Variants in ARHGEF37 observed in about 807,000 individuals in gnomAD.
The protein encoded by ARHGEF37 is Rho guanine nucleotide exchange factor (GEF) 37.
A neutral mutation model predicts 71.1 loss-of-function variants in ARHGEF37; 55 were observed. That is an observed-to-expected ratio of 0.77 (90% confidence interval 0.62 to 0.97). ARHGEF37 has a LOEUF of 0.97. Ranked by LOEUF, ARHGEF37 falls within the 50% of genes least tolerant of loss-of-function variation. The pLI, the probability that ARHGEF37 is intolerant of heterozygous loss-of-function variation, is 0.00. For missense variants in ARHGEF37, 765 were observed against 836.8 expected, an observed-to-expected ratio of 0.91 and a Z score of 1.06; for synonymous variants, 327 against 350.6, an observed-to-expected ratio of 0.93 and a Z score of 0.75.
rs751157931 is a variant in ARHGEF37 at position 149,627,092 on chromosome 5, C to G, written c.1481C>G (p.Ser494Cys). Residue 494 changes from serine (S) to cysteine (C), a missense_variant, in exon 11 of 13, where the codon TCT (serine) becomes TGT (cysteine). Transcript: ENST00000333677. The stretch of plus-strand genomic sequence containing the variant: ...CTCTCCCAGCCGCTCCTTCCAGGGT[C>G]TGAACGCCAGGTGCAGGCTCTCCTG... ...PPTTQPLLPG[S>C]ERQVQALLSR... 6.2e-7 allele frequency: 1 copy of G among 1,613,506 alleles called. No individual in the cohort carries two copies. The highest frequency in any genetic ancestry group is 8.5e-7 in the Non-Finnish European group (1 of 1,179,644).
chr5:149,599,726 C>A (rs758151918), intron 2 of ARHGEF37, among the ~76,000 whole-genome samples: 1 of 152,064 alleles, frequency 6.6e-6, no homozygotes, highest in Admixed American at 6.5e-5. Context: ...TTGCTTGCTA[C>A]GTTTCAAGCA....
At chr5:149,624,334 T>G (rs1752621787) in intron 10 of ARHGEF37, among the ~76,000 whole-genome samples, 194 bp downstream of exon 10, 1 of 152,188 alleles carries the variant, frequency 6.6e-6, no homozygotes, top group Non-Finnish European at 1.5e-5. Context: ...ACACACTCTT[T>G]ACATCCAAGA....
intron 2 of ARHGEF37, 60 bp from the exon 3 acceptor site, chr5:149,601,048 C>G (rs142802785): frequency 6.4e-7 from 1 of 1,571,638 alleles, no homozygotes; most frequent in East Asian, 2.3e-5. Context: ...CTCTCAAAAG[C>G]CTGCAAATAC....
intron 1 of ARHGEF37, among the ~76,000 whole-genome samples, chr5:149,595,564 G>A (rs1763521203): frequency 6.6e-6 from 1 of 152,064 alleles, no homozygotes. Flanking sequence ...GTTTTGGCCT[G>A]TATCTGACTG....
At chr5:149,565,583 C>T (rs891545248) in intron 1 of ARHGEF37, among the ~76,000 whole-genome samples, 4 of 152,142 alleles carry the variant, frequency 2.6e-5, no homozygotes, top group Non-Finnish European at 5.9e-5. Context: ...GCAATGATAG[C>T]CATGAGGCAT....
chr5:149,579,725 G>A (rs992162028), upstream of ARHGEF37, among the ~76,000 whole-genome samples: 2 of 151,818 alleles, frequency 1.3e-5, no homozygotes, highest in Non-Finnish European at 2.9e-5. Flanking sequence ...GGGATTACAG[G>A]TGCCCACCAC....
chr5:149,620,828 T>TAAAAAAAAAA (rs1561806921), intron 8 of ARHGEF37, among the ~76,000 whole-genome samples: 1 of 69,620 alleles, frequency 1.4e-5, no homozygotes. Context: ...AGACTCCTTC[T>TAAAAAAAAAA]CAAAAAAAGA....
chr5:149,587,876 G>T (rs1175471830), intron 1 of ARHGEF37, among the ~76,000 whole-genome samples: 1 of 148,768 alleles, frequency 6.7e-6, no homozygotes, highest in Non-Finnish European at 1.5e-5. Context: ...GTTTCTGTAG[G>T]TCTTCCCTCC....
At chr5:149,562,484 T>A (rs773781253) in intron 1 of ARHGEF37, among the ~76,000 whole-genome samples, 4 of 152,202 alleles carry the variant, frequency 2.6e-5, no homozygotes, top group Non-Finnish European at 4.4e-5. Flanking sequence ...AGTCTCGCTC[T>A]GTCGCCCAGG....
Position 149,620,377 on chromosome 5 carries a change from C to A in ARHGEF37, c.918C>A (p.His306Gln). 6.2e-7 allele frequency: 1 copy of A among 1,611,868 alleles called. No individual in the cohort carries two copies. Among genetic ancestry groups the A allele is most frequent in the Non-Finnish European group, 8.5e-7 (1 of 1,179,044 alleles). ...AGGCTTTCCTCTACTTCAGGCCGCA[C>A]GAATACAATCTGGACATCCCCGAGG... Reference protein sequence around the residue: ...NLQAFLYFRPHEYNLDIPEGP... With the variant: ...NLQAFLYFRPQEYNLDIPEGP... Residue 306 changes from histidine (H) to glutamine (Q), a missense_variant, in exon 8 of 13, where the codon CAC becomes CAA. Around this residue, in one of 5 missense-constraint regions of ARHGEF37, gnomAD observed 167 missense variants for 173.3 expected, o/e 0.96. Coordinates refer to ENST00000333677, the MANE Select transcript of ARHGEF37 (RefSeq NM_001001669.3).
intron 2 of ARHGEF37, among the ~76,000 whole-genome samples, chr5:149,600,578 C>T (rs748788021): frequency 1.1e-4 from 16 of 152,158 alleles, no homozygotes; most frequent in Non-Finnish European, 2.4e-4. Flanking sequence ...AACCCCGGTT[C>T]AGCTTTTCTT....
At chr5:149,551,672 G>C (rs964560274), upstream of ARHGEF37, 5 of 152,266 alleles carry the variant, frequency 3.3e-5, no homozygotes, top group Admixed American at 3.3e-4. Flanking sequence ...TACTCGCCTC[G>C]GACCCGCCGG....
In ARHGEF37 at chr5:149,626,979, C is replaced by T. The variant is rs1228963954; in HGVS notation, c.1465-97C>T. 4 of 1,329,918 alleles carry T rather than the reference C, an allele frequency of 3.0e-6. No homozygotes were observed. The African/African-American group carries it at 4.4e-5, about 15-fold the overall frequency. The allele number at this position is 1,329,918 out of a possible 1,614,324, so 82.4% of individuals were successfully genotyped here. On this transcript the variant is annotated intron_variant, in intron 10 of 12. Transcript: ENST00000333677. ...TTCAGTGGCAGAGTTAGGATCAGGC[C>T]CAGTACTCCTGGCTGTCAAAATGTG...
chr5:149,571,226 G>A (rs1762959119), intron 1 of ARHGEF37, among the ~76,000 whole-genome samples: 1 of 152,044 alleles, frequency 6.6e-6, no homozygotes, highest in Non-Finnish European at 1.5e-5. Context: ...ACAGGCATGA[G>A]CCACCGCGTC....
intron 8 of ARHGEF37, among the ~76,000 whole-genome samples, chr5:149,620,829 C>CAAAAAAAAAAAAAAA (rs66996935): frequency 6.9e-6 from 1 of 144,822 alleles, no homozygotes. Context: ...GACTCCTTCT[C>CAAAAAAAAAAAAAAA]AAAAAAAGAA....
Position 149,624,069 on chromosome 5 carries a change from G to A in ARHGEF37, c.1393G>A (p.Gly465Ser). Residue 465 changes from glycine (G) to serine (S), a missense_variant, in exon 10 of 13, where the codon GGC becomes AGC. Physicochemically the swap from Gly to Ser is moderately conservative, Grantham distance 56 (BLOSUM62 0). Coordinates refer to ENST00000333677, the MANE Select transcript of ARHGEF37 (RefSeq NM_001001669.3). Reference sequence around the variant, plus strand: ...CAGGAAGCTGGTGGAGGACGCACTGGGCCGGACGAGTAACCAGCTTCGCTC... The same window carrying A: ...CAGGAAGCTGGTGGAGGACGCACTGAGCCGGACGAGTAACCAGCTTCGCTC... ...AFRKLVEDAL[G>S]RTSNQLRSFQ... The A allele has an allele frequency of 6.2e-7, 1 of 1,611,986 alleles. No homozygotes were observed.
At chr5:149,626,635 A>G (rs1439750241) in intron 10 of ARHGEF37, among the ~76,000 whole-genome samples, 5 of 152,330 alleles carry the variant, frequency 3.3e-5, no homozygotes, top group South Asian at 2.1e-4. Flanking sequence ...TCGTTCCTGC[A>G]TATGTGAAAT....
At chr5:149,601,307 T>A in intron 3 of ARHGEF37, 76 bp downstream of exon 3, 2 of 1,512,530 alleles carry the variant, frequency 1.3e-6, no homozygotes. Context: ...ACTGCTTAAC[T>A]GTCTCCAGAG....
upstream of ARHGEF37, among the ~76,000 whole-genome samples, chr5:149,579,428 CA>C (rs897789969): frequency 5.3e-5 from 8 of 152,100 alleles, no homozygotes; most frequent in Non-Finnish European, 8.8e-5. Flanking sequence ...TTAGAATAGA[CA>C]AAATATCAAA....
Sources: gnomAD v4.1 joint callset for allele counts (sites outside exome capture counted in the v4.1 genomes callset) on GRCh38, gnomAD v4.1.1 for gene constraint, gnomAD v4.1.1 regional missense constraint, MANE v1.5 for transcripts, NCBI Gene and HGNC (gene_info 2026-07-23, HGNC 2026-07-21) for gene names.